The following TEC variants were observed in gnomAD, a reference collection of about 807,000 sequenced individuals.
The protein encoded by TEC is tec protein tyrosine kinase, also known as tyrosine-protein kinase Tec.
In TEC, 72 loss-of-function variants were observed where a neutral mutation model predicts 93.0. The ratio of observed to expected loss-of-function variants is 0.77; its 90% CI spans 0.64 to 0.94. The LOEUF (loss-of-function observed/expected upper bound fraction) is 0.94. Among genes scored for constraint, TEC ranks in the 40% least tolerant of loss-of-function variants. TEC has a pLI of 0.00. For missense variants in TEC, 630 were observed against 757.9 expected, an observed-to-expected ratio of 0.83 and a Z score of 1.98; for synonymous variants, 249 against 247.7, an observed-to-expected ratio of 1.01 and a Z score of -0.05.
intron 1 of TEC, among the ~76,000 whole-genome samples, chr4:48,269,091 G>T (rs1243441265): frequency 6.6e-6 from 1 of 151,898 alleles, no homozygotes; most frequent in Non-Finnish European, 1.5e-5. Context: ...ACAACTTCCC[G>T]GGGCGAGGTG....
chr4:48,163,909 G>C lies in TEC; in HGVS notation c.672-142C>G, dbSNP rs1720775795. 6.1e-6 allele frequency: 3 copies of C among 493,922 alleles called. No homozygotes were observed. The South Asian group carries it at 9.4e-5, about 15-fold the overall frequency. 30.6% of individuals were successfully genotyped at this position (493,922 alleles called of 1,614,324 possible). On this transcript the variant is annotated intron_variant, in intron 7 of 17. Coordinates refer to ENST00000381501, the MANE Select transcript of TEC (RefSeq NM_003215.3). ...AGACTAGCTGACCCCCCAAAATGCA[G>C]TATCTGTAATTCACTTGACATTTTA...
At chr4:48,268,858 C>T (rs1724707568) in intron 1 of TEC, among the ~76,000 whole-genome samples, 1 of 152,174 alleles carries the variant, frequency 6.6e-6, no homozygotes, top group Non-Finnish European at 1.5e-5. Context: ...ATCAATCTTT[C>T]GAATCAAATA....
chr4:48,186,138 C>G (rs1188133985), intron 2 of TEC, among the ~76,000 whole-genome samples: 1 of 152,260 alleles, frequency 6.6e-6, no homozygotes, highest in South Asian at 2.1e-4. Context: ...GGATTGCAGA[C>G]GGAGTCTCGC....
Position 48,226,515 on chromosome 4 carries a change from T to C in TEC, c.138+1962A>G, listed in dbSNP as rs531100791. The stretch of plus-strand genomic sequence containing the variant: ...GCAAGGAAGAAGACCTGTATGATGA[T>C]CCACTTCCCGTTAATAAATAGTAAA... On this transcript the variant is annotated intron_variant, in intron 2 of 17. Transcript: ENST00000381501. 1.8e-4 allele frequency among the ~76,000 whole-genome samples: 27 copies of C among 152,314 alleles called. 1 individual carries two copies. The highest frequency in any genetic ancestry group is 6.0e-4 in the African/African-American group (25 of 41,558).
intron 1 of TEC, among the ~76,000 whole-genome samples, chr4:48,228,961 T>G (rs907823538): frequency 9.2e-5 from 14 of 152,346 alleles, no homozygotes; most frequent in East Asian, 1.9e-4. Flanking sequence ...TCCTACTATT[T>G]GATTGCAGGG....
intron 14 of TEC, among the ~76,000 whole-genome samples, chr4:48,143,073 T>C (rs1051250471): frequency 1.3e-5 from 2 of 152,242 alleles, no homozygotes; most frequent in African/African-American, 4.8e-5. Context: ...GCAATTCCAC[T>C]CATATGAGGT....
In TEC at chr4:48,176,091, A is replaced by T; in HGVS notation, c.234T>A (p.Tyr78Ter). The T allele has an allele frequency of 6.2e-7, 1 of 1,613,332 alleles. No individual in the cohort carries two copies. Among genetic ancestry groups the T allele is most frequent in the Non-Finnish European group, 8.5e-7 (1 of 1,179,350 alleles). The change falls in exon 3 of 18, where the codon TAT becomes TAA. Residue 78 changes from tyrosine (Y) to a stop codon, truncating the protein, a stop_gained. Transcript: ENST00000381501. LOFTEE classifies it high-confidence loss of function. Reference protein sequence around the residue: ...DDGVIPCQNKYPFQVVHDANT... With the variant: ...DDGVIPCQNK ...AAATACACCAGCTCACCTGAAATGG[A>T]TACTTATTTTGACAGGGAATGACAC...
chr4:48,181,548 CTGT>C (rs2109565402), intron 2 of TEC, among the ~76,000 whole-genome samples: 1 of 148,290 alleles, frequency 6.7e-6, no homozygotes, highest in African/African-American at 2.5e-5. Context: ...TGGTGCGCAC[CTGT>C]AGTCCCAGCT....
chr4:48,259,425 T>C (rs757077371), intron 1 of TEC, among the ~76,000 whole-genome samples: 29 of 152,160 alleles, frequency 1.9e-4, no homozygotes, highest in Admixed American at 1.2e-3. Context: ...TCTAGAAAGA[T>C]GACAAAGGGG....
intron 2 of TEC, among the ~76,000 whole-genome samples, chr4:48,193,066 T>C (rs1722147009): frequency 6.6e-6 from 1 of 152,286 alleles, no homozygotes; most frequent in East Asian, 1.9e-4. Context: ...AGGAGAGGAC[T>C]CAACTAAGTG....
At chr4:48,213,724 A>C (rs532459480) in intron 2 of TEC, among the ~76,000 whole-genome samples, 1 of 152,320 alleles carries the variant, frequency 6.6e-6, no homozygotes, top group East Asian at 1.9e-4. Context: ...TGTTTATAAT[A>C]ATGTCCACAT....
At chr4:48,171,561 A>C in intron 3 of TEC, 112 bp from the exon 4 acceptor site, 2 of 721,100 alleles carry the variant, frequency 2.8e-6, no homozygotes, top group Non-Finnish European at 4.3e-6. Flanking sequence ...AAATAACTGA[A>C]AGTCAATAAC....
chr4:48,169,536 A>T (rs1721015731), intron 5 of TEC, among the ~76,000 whole-genome samples: 1 of 152,080 alleles, frequency 6.6e-6, no homozygotes, highest in Non-Finnish European at 1.5e-5. Flanking sequence ...CCTCGTTCAT[A>T]ATACAGCATC....
intron 2 of TEC, among the ~76,000 whole-genome samples, chr4:48,212,108 AAAAT>A (rs1245998389): frequency 1.0e-3 from 90 of 86,572 alleles, no homozygotes; most frequent in African/African-American, 3.5e-3. Flanking sequence ...CAAAAAAAAA[AAAAT>A]ATATATATAT....
In TEC at chr4:48,170,525, A is replaced by C. The variant is rs528681444; in HGVS notation, c.326-149T>G. Reference sequence around the variant, plus strand: ...GATCACAGGACTCAGCATTCAGAAAAGCTCTATAGTTCTCTTTGACCTCTT... The same window carrying C: ...GATCACAGGACTCAGCATTCAGAAACGCTCTATAGTTCTCTTTGACCTCTT... On this transcript the variant is annotated intron_variant, in intron 4 of 17. Transcript: ENST00000381501. 2.6e-5 allele frequency: 14 copies of C among 548,788 alleles called. No homozygotes were observed. The South Asian group carries it at 5.1e-4, about 20-fold the overall frequency. The allele number at this position is 548,788 out of a possible 1,614,324, so 34.0% of individuals were successfully genotyped here. A position where few individuals can be genotyped will look rare whatever the true frequency, so the allele number is the denominator to read the frequency against.
At chr4:48,158,907 G>A (rs1720510611) in intron 8 of TEC, among the ~76,000 whole-genome samples, 1 of 152,176 alleles carries the variant, frequency 6.6e-6, no homozygotes, top group Non-Finnish European at 1.5e-5. Flanking sequence ...TCCCTGGAAA[G>A]GATGTTCCCT....
At chr4:48,230,395 G>A (rs962250434) in intron 1 of TEC, among the ~76,000 whole-genome samples, 15 of 152,154 alleles carry the variant, frequency 9.9e-5, no homozygotes, top group African/African-American at 3.4e-4. Context: ...TCAGTGTGAG[G>A]TTTAAATGAG....
At chr4:48,246,789 T>C (rs1244940705) in intron 1 of TEC, among the ~76,000 whole-genome samples, 1 of 152,170 alleles carries the variant, frequency 6.6e-6, no homozygotes, top group East Asian at 1.9e-4. Flanking sequence ...AGAACTAAAA[T>C]TGTAGAACTC....
intron 2 of TEC, among the ~76,000 whole-genome samples, chr4:48,203,772 C>T (rs1033723344): frequency 6.6e-6 from 1 of 152,140 alleles, no homozygotes; most frequent in Non-Finnish European, 1.5e-5. Context: ...TGAAGCTACA[C>T]TGAGATGTCT....
Sources: gnomAD v4.1 joint callset for allele counts (sites outside exome capture counted in the v4.1 genomes callset) on GRCh38, gnomAD v4.1.1 for gene constraint, MANE v1.5 for transcripts, NCBI Gene and HGNC (gene_info 2026-07-23, HGNC 2026-07-21) for gene names.